Variants in COPS4 observed in about 807,000 individuals in gnomAD.
The protein encoded by COPS4 is COP9 signalosome subunit 4, also known as COP9 signalosome complex subunit 4.
Under a neutral mutation model 55.1 loss-of-function variants are expected in COPS4, and 8 were observed. The observed-to-expected ratio is 0.15, with a 90% CI of 0.09 to 0.26. The LOEUF (loss-of-function observed/expected upper bound fraction) is 0.26, where lower values mean the gene tolerates loss of function less well. Among genes scored for constraint, COPS4 ranks in the 10% least tolerant of loss-of-function variants. COPS4 has a pLI of 1.00. For synonymous variants in COPS4, 185 were observed against 165.7 expected, an observed-to-expected ratio of 1.12 and a Z score of -0.90; for missense variants, 248 against 484.0, an observed-to-expected ratio of 0.51 and a Z score of 4.58.
chr4:83,067,094 G>T (rs1325628821), intron 8 of COPS4, among the ~76,000 whole-genome samples: 1 of 151,670 alleles, frequency 6.6e-6, no homozygotes, highest in African/African-American at 2.4e-5. Context: ...TAGAGACAGG[G>T]TCTTGTTCTG....
At chr4:83,058,034 C>T (rs1297426005) in intron 6 of COPS4, among the ~76,000 whole-genome samples, 2 of 148,850 alleles carry the variant, frequency 1.3e-5, no homozygotes, top group African/African-American at 4.9e-5. Flanking sequence ...AAATTAAAAT[C>T]TATAGATTGA....
rs183908844 is a variant in COPS4, at chr4:83,039,988, C to T, written c.74+4690C>T. On this transcript the variant is annotated intron_variant, in intron 1 of 9. Coordinates refer to ENST00000264389, the MANE Select transcript of COPS4 (RefSeq NM_016129.3). ...CCCATTCTGTTTCTCCTCTAGGCTC[C>T]GGTGAAATCCCTGTCAGGCCCACTG... Among the ~76,000 whole-genome samples the T allele has an allele frequency of 2.8e-3, 429 of 152,248 alleles. 3 individuals carry two copies. The highest frequency in any genetic ancestry group is 0.014 in the Middle Eastern group (4 of 294).
At chr4:83,053,000 G>T (rs79479677) in intron 4 of COPS4, among the ~76,000 whole-genome samples, 9 of 152,342 alleles carry the variant, frequency 5.9e-5, no homozygotes, top group Non-Finnish European at 1.0e-4. Context: ...CCCCTTAGGA[G>T]AGTGGGACAA....
intron 6 of COPS4, among the ~76,000 whole-genome samples, chr4:83,059,996 C>T (rs921801237): frequency 3.3e-5 from 5 of 152,010 alleles, no homozygotes; most frequent in African/African-American, 1.2e-4. Context: ...CCACCGCACC[C>T]GGCCGAAACA....
At chr4:83,053,834 T>A (rs71631364) in intron 4 of COPS4, among the ~76,000 whole-genome samples, 1 of 40,526 alleles carries the variant, frequency 2.5e-5, no homozygotes, top group East Asian at 5.5e-4. Context: ...AGTAAGACTC[T>A]GTCTCAAAAA....
chr4:83,065,750 T>A (rs149045752), intron 7 of COPS4, among the ~76,000 whole-genome samples: 193 of 152,336 alleles, frequency 1.3e-3, no homozygotes, highest in African/African-American at 4.6e-3. Context: ...TTTGCCTTGG[T>A]TTGATGCTCC....
intron 9 of COPS4, among the ~76,000 whole-genome samples, chr4:83,070,757 A>G (rs1731405590): frequency 6.6e-6 from 1 of 152,158 alleles, no homozygotes; most frequent in African/African-American, 2.4e-5. Flanking sequence ...TGGAGTGATT[A>G]TTTTCTTTTA....
intron 1 of COPS4, among the ~76,000 whole-genome samples, chr4:83,040,569 G>GTGAGCC (rs1240178997): frequency 6.6e-6 from 1 of 152,118 alleles, no homozygotes; most frequent in Non-Finnish European, 1.5e-5. Flanking sequence ...AGTGCTTCCA[G>GTGAGCC]CAGATTCGCA....
intron 1 of COPS4, among the ~76,000 whole-genome samples, chr4:83,042,517 A>ATTT (rs34745098): frequency 6.9e-6 from 1 of 145,504 alleles, no homozygotes; most frequent in South Asian, 2.2e-4. Flanking sequence ...TAATTAATTA[A>ATTT]TTTTTTTTTT....
intron 9 of COPS4, among the ~76,000 whole-genome samples, chr4:83,069,708 CTCAT>C (rs1156267415): frequency 2.0e-5 from 3 of 152,000 alleles, no homozygotes; most frequent in Non-Finnish European, 4.4e-5. Flanking sequence ...ATTTTTTTCT[CTCAT>C]TCAATTTGAA....
In COPS4 at chr4:83,065,094, T is replaced by G; in HGVS notation, c.887-1344T>G. 4.4e-6 allele frequency: 3 copies of G among 681,138 alleles called. No individual in the cohort carries two copies. In the East Asian group the frequency reaches 8.4e-5, roughly 19 times the overall value. 42.2% of individuals were successfully genotyped at this position (681,138 alleles called of 1,614,324 possible). ...CTCTCCATTTTGCCCAGGCTGGTCT[T>G]GAACTCCTGGGCTCAAGCAGTTCCT... On this transcript the variant is annotated intron_variant, in intron 7 of 9. Transcript: ENST00000264389.
chr4:83,072,296 C>T (rs574123718), intron 9 of COPS4, among the ~76,000 whole-genome samples: 1 of 151,878 alleles, frequency 6.6e-6, no homozygotes, highest in South Asian at 2.1e-4. Flanking sequence ...GACAGGGTTT[C>T]TCTATATTGG....
chr4:83,070,974 T>C (rs1270075981), intron 9 of COPS4, among the ~76,000 whole-genome samples: 3 of 152,186 alleles, frequency 2.0e-5, no homozygotes, highest in Non-Finnish European at 4.4e-5. Flanking sequence ...CTATCAAACA[T>C]TCTGAAATAT....
chr4:83,062,951 A>G (rs1404252723), intron 6 of COPS4, 125 bp from the exon 7 acceptor site: 3 of 765,188 alleles, frequency 3.9e-6, no homozygotes, highest in African/African-American at 1.8e-5. Context: ...CATAATTACC[A>G]TGAATAATGA....
chr4:83,052,022 C>T (rs777928199), intron 4 of COPS4, among the ~76,000 whole-genome samples: 79 of 152,278 alleles, frequency 5.2e-4, no homozygotes, highest in African/African-American at 1.7e-3. Context: ...ATAAGGAGTA[C>T]AGGTTAACTG....
chr4:83,073,260 T>G, intron 9 of COPS4: 2 of 698,188 alleles, frequency 2.9e-6, no homozygotes, highest in East Asian at 5.4e-5. Context: ...GTCTGGATAG[T>G]TCATATAAAT....
At chr4:83,059,542 A>G (rs189740509) in intron 6 of COPS4, among the ~76,000 whole-genome samples, 40 of 152,318 alleles carry the variant, frequency 2.6e-4, no homozygotes, top group African/African-American at 9.1e-4. Flanking sequence ...TAATAGACCC[A>G]TTACATATAA....
Position 83,057,385 on chromosome 4 carries a change from A to G in COPS4, c.692A>G (p.His231Arg). The G allele has an allele frequency of 1.2e-6, 2 of 1,603,242 alleles. No homozygotes were observed. The highest frequency in any genetic ancestry group is 1.7e-6 in the Non-Finnish European group (2 of 1,176,232). Residue 231 changes from histidine to arginine, a missense_variant, in exon 6 of 10, where the codon CAC (histidine) becomes CGC (arginine). This residue lies in a region of COPS4 where 155 missense variants were observed against 326.6 expected (regional missense o/e 0.47). Coordinates refer to ENST00000264389, the MANE Select transcript of COPS4 (RefSeq NM_016129.3). ...CTAGAGGCCTTAAAACATGCTTTGC[A>G]CTGTACGATCTTAGCATCAGCAGGT... is the stretch of plus-strand genomic sequence containing the variant. ...ERLEALKHALHCTILASAGQQ... is the reference protein window; with the variant it reads ...ERLEALKHALRCTILASAGQQ...
rs762275059 is a variant in COPS4, at chr4:83,035,240, C to T, written c.16C>T (p.Arg6Ter). 1 of 1,571,308 alleles carries T rather than the reference C, an allele frequency of 6.4e-7. No individual in the cohort carries two copies. Among genetic ancestry groups the T allele is most frequent in the Non-Finnish European group, 8.7e-7 (1 of 1,152,716 alleles). MAAAV[R>*]QDLAQLMNSS... ...TGGGAGAAAGATGGCGGCAGCCGTG[C>T]GACAGGATTTGGCCCAGCTCATGAA... The change falls in exon 1 of 10, where the codon CGA becomes TGA. Residue 6 changes from arginine to a stop codon, truncating the protein, a stop_gained. Transcript: ENST00000264389. LOFTEE classifies it high-confidence loss of function.
Sources: gnomAD v4.1 joint callset for allele counts (sites outside exome capture counted in the v4.1 genomes callset) on GRCh38, gnomAD v4.1.1 for gene constraint, gnomAD v4.1.1 regional missense constraint, MANE v1.5 for transcripts, NCBI Gene and HGNC (gene_info 2026-07-23, HGNC 2026-07-21) for gene names.